Variants in AACS observed in about 807,000 individuals in gnomAD.
AACS encodes acetoacetate-CoA ligase.
A neutral mutation model predicts 83.1 loss-of-function variants in AACS; 69 were observed. That is an observed-to-expected ratio of 0.83 (90% CI 0.68 to 1.01). The LOEUF (loss-of-function observed/expected upper bound fraction) is 1.01, where lower values mean the gene tolerates loss of function less well. AACS is among the 50% of genes least tolerant of loss of function. The pLI, the probability that AACS is intolerant of heterozygous loss-of-function variation, is 0.00. For synonymous variants in AACS, 333 were observed against 343.4 expected, an observed-to-expected ratio of 0.97 and a Z score of 0.33; for missense variants, 866 against 882.2, an observed-to-expected ratio of 0.98 and a Z score of 0.23.
Position 125,134,829 on chromosome 12 carries a change from G to A in AACS, c.1655G>A (p.Gly552Asp). ...GTLNPNGVRF[G>D]SSEIYNIVES... The stretch of plus-strand genomic sequence containing the variant: ...CTCAACCCCAACGGGGTGCGGTTCG[G>A]CAGCTCGGAAATCTATAACATTGGT... The change falls in exon 16 of 18, where the codon GGC (glycine) becomes GAC (aspartate). Residue 552 changes from glycine (G) to aspartate (D), a missense_variant. Transcript: ENST00000316519. 1 of 1,614,170 alleles carries A rather than the reference G, an allele frequency of 6.2e-7. No individual in the cohort carries two copies. The highest frequency in any genetic ancestry group is 8.5e-7 in the Non-Finnish European group (1 of 1,180,030).
chr12:125,132,327 A>C (rs765836678), intron 14 of AACS, among the ~76,000 whole-genome samples: 3 of 152,130 alleles, frequency 2.0e-5, no homozygotes, highest in Non-Finnish European at 2.9e-5. Context: ...TAATTAGGGC[A>C]CAGTACTGCA....
chr12:125,090,127 TTATCATCCATCACCATCATCCATC>T (rs1378562298), intron 4 of AACS, among the ~76,000 whole-genome samples: 993 of 7,224 alleles, frequency 0.14, 80 homozygotes, highest in Middle Eastern at 0.2. Flanking sequence ...CATCTTCCAT[TTATCATCCATCACCATCATCCATC>T]CATCTATCCA....
chr12:125,065,791 A>G, intron 1 of AACS, 74 bp downstream of exon 1: 1 of 1,415,342 alleles, frequency 7.1e-7, no homozygotes, highest in East Asian at 3.0e-5. Flanking sequence ...TGGTCTCCCC[A>G]TGGCTAGTTT....
intron 14 of AACS, among the ~76,000 whole-genome samples, chr12:125,132,733 A>C (rs1957345277): frequency 6.6e-6 from 1 of 152,174 alleles, no homozygotes; most frequent in South Asian, 2.1e-4. Context: ...GGCTCATTTC[A>C]TTCTCTTCAG....
chr12:125,081,185 T>G (rs1434680667), intron 3 of AACS, among the ~76,000 whole-genome samples: 3 of 151,006 alleles, frequency 2.0e-5, no homozygotes, highest in Non-Finnish European at 2.9e-5. Flanking sequence ...AGAGATGAGG[T>G]TTCTCACCAT....
intron 2 of AACS, among the ~76,000 whole-genome samples, chr12:125,074,658 T>C (rs1302474387): frequency 1.3e-5 from 2 of 149,844 alleles, no homozygotes; most frequent in Admixed American, 1.3e-4. Context: ...TACATTGTTG[T>C]AGTTTTTTTT....
chr12:125,117,722 A>G (rs948538192), intron 9 of AACS: 2 of 152,278 alleles, frequency 1.3e-5, no homozygotes, highest in African/African-American at 4.8e-5. Context: ...GTGATGGCTT[A>G]TGCCTGTAAT....
At chr12:125,110,546 C>T (rs1223508696) in intron 8 of AACS, among the ~76,000 whole-genome samples, 2 of 152,178 alleles carry the variant, frequency 1.3e-5, no homozygotes, top group African/African-American at 4.8e-5. Context: ...CTGCTCTAGG[C>T]TCTCCTCTGG....
intron 3 of AACS, among the ~76,000 whole-genome samples, chr12:125,081,148 A>G (rs1222638642): frequency 6.6e-6 from 1 of 151,750 alleles, no homozygotes; most frequent in East Asian, 1.9e-4. Context: ...GTGCGCCACC[A>G]CACTGGCTAA....
chr12:125,081,945 G>A (rs1956198702), intron 3 of AACS, among the ~76,000 whole-genome samples: 2 of 150,718 alleles, frequency 1.3e-5, no homozygotes, highest in African/African-American at 4.9e-5. Context: ...GCGTCATCTT[G>A]GCTCACTGCA....
At chr12:125,120,129 T>C (rs1157378875) in intron 10 of AACS, 1 of 152,122 alleles carries the variant, frequency 6.6e-6, no homozygotes, top group Non-Finnish European at 1.5e-5. Context: ...GGGATAGGTG[T>C]AGTGGTCCCT....
intron 1 of AACS, among the ~76,000 whole-genome samples, chr12:125,071,260 A>T (rs1408285310): frequency 6.6e-6 from 1 of 152,112 alleles, no homozygotes; most frequent in Non-Finnish European, 1.5e-5. Flanking sequence ...GACCGTTACA[A>T]CCTGGCCTTG....
chr12:125,078,592 G>A lies in AACS; in HGVS notation c.358+1981G>A, dbSNP rs527830502. Among the ~76,000 whole-genome samples the A allele has an allele frequency of 1.6e-4, 24 of 152,218 alleles. No individual in the cohort carries two copies. The East Asian group carries it at 4.3e-3, about 27-fold the overall frequency. ...TCCCAGCACTTTGGGAGGCTGAGGC[G>A]GGCAGATCACCTGAAGTCAGGAGTT... On this transcript the variant is annotated intron_variant, in intron 3 of 17. Transcript: ENST00000316519.
chr12:125,079,824 C>T (rs1476600421), intron 3 of AACS, among the ~76,000 whole-genome samples: 14 of 152,134 alleles, frequency 9.2e-5, no homozygotes, highest in Admixed American at 7.2e-4. Flanking sequence ...TTCCATTTTC[C>T]GAAAGGAAAC....
intron 3 of AACS, among the ~76,000 whole-genome samples, chr12:125,080,614 C>T (rs1451183814): frequency 7.7e-6 from 1 of 129,994 alleles, no homozygotes; most frequent in Non-Finnish European, 1.6e-5. Flanking sequence ...CTTAGCCTGT[C>T]TTCTCTTCAC....
intron 7 of AACS, among the ~76,000 whole-genome samples, chr12:125,106,331 G>A (rs1226540126): frequency 6.6e-6 from 1 of 152,222 alleles, no homozygotes; most frequent in East Asian, 1.9e-4. Flanking sequence ...CAAATCTCCT[G>A]TTTGTGTCGC....
intron 10 of AACS, chr12:125,124,479 G>A: frequency 1.7e-6 from 1 of 575,392 alleles, no homozygotes; most frequent in South Asian, 2.2e-5. Context: ...GGTAAAGGGA[G>A]CTGGCCCTGC....
chr12:125,114,391 G>A (rs1232835816), intron 8 of AACS, 86 bp from the exon 9 acceptor site: 15 of 1,100,462 alleles, frequency 1.4e-5, no homozygotes, highest in African/African-American at 6.3e-5. Flanking sequence ...TCCTGGCAGC[G>A]TCTGAGCAGC....
intron 5 of AACS, among the ~76,000 whole-genome samples, chr12:125,096,519 A>G (rs1191948690): frequency 6.6e-6 from 1 of 152,010 alleles, no homozygotes; most frequent in African/African-American, 2.4e-5. Context: ...GGGTGTCAGG[A>G]GTGTTGGGAC....
Sources: allele counts gnomAD v4.1 joint callset (sites outside exome capture counted in the v4.1 genomes callset), GRCh38; gene constraint gnomAD v4.1.1; transcripts MANE v1.5; gene names NCBI Gene and HGNC (gene_info 2026-07-23, HGNC 2026-07-21).